SHANK1: variants seen among roughly 807,000 people sequenced by gnomAD.
The protein encoded by SHANK1 is SH3 and multiple ankyrin repeat domains protein 1.
Under a neutral mutation model 165.6 loss-of-function variants are expected in SHANK1, and 35 were observed. The ratio of observed to expected loss-of-function variants is 0.21; its 90% CI spans 0.16 to 0.28. The LOEUF is 0.28. SHANK1 is among the 10% of genes least tolerant of loss of function. The probability of loss-of-function intolerance (pLI) is 1.00; values close to 1 mark genes in which losing one functional copy is unlikely to be tolerated. For synonymous variants in SHANK1, 1,428 were observed against 1,384.8 expected (o/e 1.03, Z -0.69); for missense variants, 2,681 against 3,036.4 (o/e 0.88, Z 2.75).
At chr19:50,687,836 C>T in intron 18 of SHANK1, 87 bp downstream of exon 18, 1 of 1,549,784 alleles carries the variant, frequency 6.5e-7, no homozygotes, top group East Asian at 2.3e-5. Flanking sequence ...GAAGGGAAGG[C>T]CTTGGGCAGC....
chr19:50,661,875 C>A lies in SHANK1; in HGVS notation c.*90G>T, dbSNP rs879061635. Reference sequence around the variant, plus strand: ...CGCAGTTTGAACAGAGTCCCTGGCCCGGGGAGAGAATGACAGTCAGGGGTC... The same window carrying A: ...CGCAGTTTGAACAGAGTCCCTGGCCAGGGGAGAGAATGACAGTCAGGGGTC... On this transcript the variant is annotated 3_prime_UTR_variant, in exon 24 of 24. Transcript: ENST00000293441. 3 of 1,442,348 alleles carry A rather than the reference C, an allele frequency of 2.1e-6. No homozygotes were observed. The highest frequency in any genetic ancestry group is 2.9e-6 in the Non-Finnish European group (3 of 1,039,664). 89.3% of individuals were successfully genotyped at this position (1,442,348 alleles called of 1,614,324 possible). A position where few individuals can be genotyped will look rare whatever the true frequency, so the allele number is the denominator to read the frequency against.
chr19:50,703,686 GC>G lies in SHANK1; in HGVS notation c.1366del (p.Ala456ProfsTer107). ...AGGGCCAGGGGCCCCAGAGGACGCG[GC>G]CCCCGGGGCGGAGAACACCATCCAG... Reference protein sequence around the residue: ...PDWMVFSAPGAASSGAPGPTS... With the variant: ...PDWMVFSAPGXASSGAPGPTS... On this transcript the variant is annotated frameshift_variant, in exon 11 of 24. Transcript: ENST00000293441. LOFTEE classifies it high-confidence loss of function. 4.8e-6 allele frequency: 7 copies of G among 1,467,962 alleles called. No individual in the cohort carries two copies. The highest frequency in any genetic ancestry group is 5.0e-5 in the Admixed American group (2 of 40,254). The allele number at this position is 1,467,962 out of a possible 1,614,324, so 90.9% of individuals were successfully genotyped here. A position where few individuals can be genotyped will look rare whatever the true frequency, so the allele number is the denominator to read the frequency against.
chr19:50,713,711 G>A lies in SHANK1; in HGVS notation c.792+87C>T. On this transcript the variant is annotated intron_variant, in intron 6 of 23. Transcript: ENST00000293441. The surrounding 1 kb of genome is among the most constrained non-coding windows in gnomAD (Gnocchi z 6.2). ...GACATGAGAGGGCCTATTTTTAACT[G>A]AAACCAAAGAACTGAGGTTTGAGAA... is the stretch of plus-strand genomic sequence containing the variant. 6.5e-7 allele frequency: 1 copy of A among 1,544,754 alleles called. No individual in the cohort carries two copies. Among genetic ancestry groups the A allele is most frequent in the Non-Finnish European group, 8.8e-7 (1 of 1,135,904 alleles).
chr19:50,695,066 G>A (rs1172044682), intron 15 of SHANK1, among the ~76,000 whole-genome samples: 1 of 145,624 alleles, frequency 6.9e-6, no homozygotes, highest in Non-Finnish European at 1.5e-5. Context: ...GCCCCGGCCC[G>A]GGTCCCGGTG....
rs2089091913 is a variant in SHANK1, at chr19:50,718,289, C to T, written c.-44+1117G>A. Among the ~76,000 whole-genome samples the T allele has an allele frequency of 6.6e-6, 1 of 152,044 alleles. No homozygotes were observed. ...CCAGGTACCCAGCCACGCCGCCCCA[C>T]CTCGTCCCTGCGGAGACCCCGGCTG... On this transcript the variant is annotated intron_variant, in intron 1 of 23. Coordinates refer to ENST00000293441, the MANE Select transcript of SHANK1 (RefSeq NM_016148.5). The surrounding 1 kb of genome is among the most constrained non-coding windows in gnomAD (Gnocchi z 5.1).
At position 50,713,754 on chromosome 19, in the gene SHANK1, A is replaced by T. The variant is rs548962143; in HGVS notation, c.792+44T>A. 3.1e-6 allele frequency: 5 copies of T among 1,607,742 alleles called. No homozygotes were observed. In the South Asian group the frequency reaches 5.5e-5, roughly 18 times the overall value. On this transcript the variant is annotated intron_variant, in intron 6 of 23. Transcript: ENST00000293441. The surrounding 1 kb of genome is among the most constrained non-coding windows in gnomAD (Gnocchi z 6.2). ...TTTGAGAAAGAACAAAGGGAAAAGG[A>T]GAGAGGGCCCCATGGCGGGGATGGG... is the stretch of plus-strand genomic sequence containing the variant.
chr19:50,678,781 G>A (rs1986061266), intron 21 of SHANK1, among the ~76,000 whole-genome samples: 1 of 64,398 alleles, frequency 1.6e-5, no homozygotes, highest in Non-Finnish European at 2.9e-5. Context: ...GATGGGGAGG[G>A]GTCAGGGTGA....
Position 50,717,858 on chromosome 19 carries a change from G to A in SHANK1, c.-43-896C>T, listed in dbSNP as rs2089087007. ...GAGGACTGGGGGTGTTAGGAGGGAG[G>A]CTAAGAAGTGAGAGGAGGGTCTGGG... is the stretch of plus-strand genomic sequence containing the variant. On this transcript the variant is annotated intron_variant, in intron 1 of 23. Coordinates refer to ENST00000293441, the MANE Select transcript of SHANK1 (RefSeq NM_016148.5). This position sits in a 1 kb window ranked among gnomAD's most constrained non-coding sequence, Gnocchi z 5.5. 6.6e-6 allele frequency among the ~76,000 whole-genome samples: 1 copy of A among 152,030 alleles called. No homozygotes were observed. The highest frequency in any genetic ancestry group is 1.5e-5 in the Non-Finnish European group (1 of 67,996).
At chr19:50,700,277 ACTCGGGGCATTGGAGGATTGGAGGG>A (rs1986876203) in intron 12 of SHANK1, among the ~76,000 whole-genome samples, 10 of 42,170 alleles carry the variant, frequency 2.4e-4, no homozygotes, top group African/African-American at 8.0e-4. Context: ...AGAGTGGAGG[ACTCGGGGCATTGGAGGATTGGAGGG>A]CTCGGGGCAT....
In SHANK1 at chr19:50,659,979, C is replaced by T. The variant is rs1985129973; in HGVS notation, c.*1986G>A. 6.6e-6 allele frequency among the ~76,000 whole-genome samples: 1 copy of T among 151,170 alleles called. No individual in the cohort carries two copies. The highest frequency in any genetic ancestry group is 2.4e-5 in the African/African-American group (1 of 41,150). On this transcript the variant is annotated 3_prime_UTR_variant, in exon 24 of 24. Coordinates refer to ENST00000293441, the MANE Select transcript of SHANK1 (RefSeq NM_016148.5). ...CCCTCCCACGAGGTTCCCCGCAGATCCCTGACATGGTGAGGGGAGGGGGCT... is the reference window on the plus strand; with the variant it reads ...CCCTCCCACGAGGTTCCCCGCAGATTCCTGACATGGTGAGGGGAGGGGGCT...
At chr19:50,696,417 C>T (rs1407914261) in intron 15 of SHANK1, among the ~76,000 whole-genome samples, 2 of 151,994 alleles carry the variant, frequency 1.3e-5, no homozygotes, top group South Asian at 2.1e-4. Context: ...CTCTGTCCCC[C>T]CCATCCCCGA....
In SHANK1 at chr19:50,662,229, G is replaced by A. The variant is rs1568424241; in HGVS notation, c.6222C>T (p.Arg2074=). The A allele has an allele frequency of 6.2e-7, 1 of 1,610,100 alleles. No individual in the cohort carries two copies. Among genetic ancestry groups the A allele is most frequent in the South Asian group, 1.1e-5 (1 of 90,684 alleles). The change falls in exon 24 of 24, where the codon CGC becomes CGT. Residue 2074 remains arginine (R), a synonymous_variant. Transcript: ENST00000293441. The surrounding 1 kb of genome is among the most constrained non-coding windows in gnomAD (Gnocchi z 7.7). ...GLGGALSGAS[R]SLSPTRLLSL... is the part of the protein sequence containing the mutation. ...AGAGCAGGCGGGTCGGTGAGAGGGAGCGCGAGGCCCCTGACAAGGCTCCCC... is the reference window on the plus strand; with the variant it reads ...AGAGCAGGCGGGTCGGTGAGAGGGAACGCGAGGCCCCTGACAAGGCTCCCC...
intron 15 of SHANK1, among the ~76,000 whole-genome samples, chr19:50,693,128 C>T (rs1986595625): frequency 1.3e-5 from 2 of 151,824 alleles, no homozygotes; most frequent in African/African-American, 4.8e-5. Context: ...ACCACATGCC[C>T]TCCCGCCTGC....
At chr19:50,714,637 AGTGAG>A (rs2089049592) in intron 4 of SHANK1, among the ~76,000 whole-genome samples, 1 of 147,508 alleles carries the variant, frequency 6.8e-6, no homozygotes, top group East Asian at 2.0e-4. Context: ...TTGAGGCTGC[AGTGAG>A]CCATGATTGC....
rs1405434139 is a variant in SHANK1, at chr19:50,690,868, C to T, written c.1965-1589G>A. ...CTCCACTGTATTTAGGTACCACCCC[C>T]ACAAGCACCCCTGTATGCTCCCAGG... On this transcript the variant is annotated intron_variant, in intron 15 of 23. Coordinates refer to ENST00000293441, the MANE Select transcript of SHANK1 (RefSeq NM_016148.5). The surrounding 1 kb of genome is among the most constrained non-coding windows in gnomAD (Gnocchi z 4.9). Among the ~76,000 whole-genome samples the T allele has an allele frequency of 6.6e-6, 1 of 152,148 alleles. No individual in the cohort carries two copies. Among genetic ancestry groups the T allele is most frequent in the Admixed American group, 6.5e-5 (1 of 15,280 alleles).
At chr19:50,678,545 G>C (rs1267899376) in intron 21 of SHANK1, among the ~76,000 whole-genome samples, 1 of 150,796 alleles carries the variant, frequency 6.6e-6, no homozygotes, top group Non-Finnish European at 1.5e-5. Flanking sequence ...GACAGGGAAG[G>C]GACCAGGGTG....
intron 21 of SHANK1, among the ~76,000 whole-genome samples, chr19:50,675,255 A>G (rs1430701985): frequency 6.6e-6 from 1 of 152,138 alleles, no homozygotes; most frequent in Non-Finnish European, 1.5e-5. Flanking sequence ...GACCAACCAA[A>G]AAGACAAGTG....
chr19:50,691,905 G>A (rs150383573), intron 15 of SHANK1, among the ~76,000 whole-genome samples: 497 of 152,060 alleles, frequency 3.3e-3, no homozygotes, highest in Non-Finnish European at 5.6e-3. Flanking sequence ...CGCTGGTCTT[G>A]AACTCCTAGA....
rs542955993 is a variant in SHANK1, at chr19:50,687,671, G to A, written c.2309-9C>T. On this transcript the variant is annotated splice_polypyrimidine_tract_variant and intron_variant, in intron 18 of 23. Coordinates refer to ENST00000293441, the MANE Select transcript of SHANK1 (RefSeq NM_016148.5). ...CTTGGCCTGCTGGGGTGCTGAAAAG[G>A]TGATGAGGGGAGGCATCAGTATCAT... 2.0e-5 allele frequency: 29 copies of A among 1,479,836 alleles called. No individual in the cohort carries two copies. The South Asian group carries it at 4.1e-4, about 21-fold the overall frequency. 91.7% of individuals were successfully genotyped at this position (1,479,836 alleles called of 1,614,324 possible).
Sources: allele counts gnomAD v4.1 joint callset (sites outside exome capture counted in the v4.1 genomes callset), GRCh38; gene constraint gnomAD v4.1.1; non-coding constraint Gnocchi (gnomAD v3.1); transcripts MANE v1.5; gene names NCBI Gene and HGNC (gene_info 2026-07-23, HGNC 2026-07-21).